RBFOX1: variants seen among roughly 807,000 people sequenced by gnomAD.
RBFOX1 encodes the protein RNA binding protein fox-1 homolog 1.
A neutral mutation model predicts 57.7 loss-of-function variants in RBFOX1; 8 were observed. The observed-to-expected ratio is 0.14, with a 90% CI of 0.08 to 0.25. The LOEUF (loss-of-function observed/expected upper bound fraction) is 0.25, where lower values mean the gene tolerates loss of function less well. Among genes scored for constraint, RBFOX1 ranks in the 10% least tolerant of loss-of-function variants. The pLI is 1.00. For synonymous variants in RBFOX1, 326 were observed against 222.4 expected (o/e 1.47, Z -4.15); for missense variants, 611 against 548.5 (o/e 1.11, Z -1.14).
intron 3 of RBFOX1, among the ~76,000 whole-genome samples, chr16:5,682,745 C>G (rs760830832): frequency 5.3e-5 from 8 of 152,180 alleles, no homozygotes; most frequent in Non-Finnish European, 1.2e-4. Context: ...TGTCTTCATC[C>G]TTGGCAGCCA....
At chr16:5,641,529 G>T (rs2048875321) in intron 3 of RBFOX1, among the ~76,000 whole-genome samples, 1 of 152,200 alleles carries the variant, frequency 6.6e-6, no homozygotes, top group Admixed American at 6.5e-5. Context: ...CTGGCACAGG[G>T]TCACTGTGCC....
chr16:5,884,014 T>A (rs887043423), intron 4 of RBFOX1, among the ~76,000 whole-genome samples: 1 of 152,194 alleles, frequency 6.6e-6, no homozygotes, highest in Admixed American at 6.5e-5. Flanking sequence ...TTTCTGGTTC[T>A]CTTGTGACTT....
At chr16:7,568,539 T>C (rs2092385122) in intron 5 of RBFOX1, among the ~76,000 whole-genome samples, 1 of 152,106 alleles carries the variant, frequency 6.6e-6, no homozygotes, top group African/African-American at 2.4e-5. Flanking sequence ...TTATCAGCAA[T>C]GTGTTTATTA....
chr16:6,122,379 C>T lies in RBFOX1; in HGVS notation c.-127+102387C>T, dbSNP rs561242464. On this transcript the variant is annotated intron_variant, in intron 1 of 15. Transcript: ENST00000550418. ...ATAAACACACACACACACACACACACACACACACACACACACATTTTTAAA... is the reference window on the plus strand; with the variant it reads ...ATAAACACACACACACACACACACATACACACACACACACACATTTTTAAA... 6.2e-5 allele frequency among the ~76,000 whole-genome samples: 9 copies of T among 145,504 alleles called. No homozygotes were observed. In the South Asian group the frequency reaches 2.0e-3, roughly 32 times the overall value.
chr16:5,349,887 C>T (rs927910278), intron 1 of RBFOX1, among the ~76,000 whole-genome samples: 2 of 152,140 alleles, frequency 1.3e-5, no homozygotes, highest in African/African-American at 4.8e-5. Context: ...GGCCAGGAAA[C>T]ACATGTGCAC....
chr16:7,594,118 C>G (rs1248091068), intron 7 of RBFOX1, among the ~76,000 whole-genome samples: 2 of 152,026 alleles, frequency 1.3e-5, no homozygotes, highest in Non-Finnish European at 2.9e-5. Flanking sequence ...AACGCTATCC[C>G]TCCCCCAGCC....
intron 3 of RBFOX1, among the ~76,000 whole-genome samples, chr16:7,003,606 C>G (rs117315143): frequency 0.022 from 3,333 of 152,192 alleles, 50 homozygotes; most frequent in African/African-American, 0.026. Flanking sequence ...TGGAGAAAAA[C>G]TAACCTCTTC....
chr16:6,522,640 A>G (rs1025533082), intron 2 of RBFOX1, among the ~76,000 whole-genome samples: 2 of 152,200 alleles, frequency 1.3e-5, no homozygotes, highest in African/African-American at 4.8e-5. Context: ...GTTGGCATTC[A>G]GTACCGGGGT....
intron 14 of RBFOX1, among the ~76,000 whole-genome samples, chr16:7,702,944 G>C (rs966592434): frequency 6.6e-6 from 1 of 152,202 alleles, no homozygotes; most frequent in Admixed American, 6.5e-5. Flanking sequence ...CTGGGTGCAG[G>C]TTACCTTCTG....
At chr16:6,322,183 C>G (rs529918161) in intron 2 of RBFOX1, among the ~76,000 whole-genome samples, 1 of 152,328 alleles carries the variant, frequency 6.6e-6, no homozygotes, top group African/African-American at 2.4e-5. Flanking sequence ...ACTTACGTAT[C>G]TGGGAATTCT....
intron 3 of RBFOX1, among the ~76,000 whole-genome samples, chr16:5,668,765 C>G (rs181777177): frequency 6.6e-6 from 1 of 152,284 alleles, no homozygotes; most frequent in East Asian, 1.9e-4. Context: ...GGTGCCTGGT[C>G]TAACATATGA....
chr16:6,871,882 A>G (rs564470036), intron 3 of RBFOX1, among the ~76,000 whole-genome samples: 6 of 147,832 alleles, frequency 4.1e-5, no homozygotes, highest in Non-Finnish European at 5.9e-5. Context: ...CTTTGTCACA[A>G]TCCAGGCTCT....
intron 3 of RBFOX1, among the ~76,000 whole-genome samples, chr16:7,045,545 T>G (rs917227610): frequency 6.6e-6 from 1 of 152,178 alleles, no homozygotes; most frequent in African/African-American, 2.4e-5. Context: ...AAGTCAGAGG[T>G]CAGTAGGCCC....
chr16:7,325,659 G>C (rs936488921), intron 4 of RBFOX1, among the ~76,000 whole-genome samples: 2 of 152,130 alleles, frequency 1.3e-5, no homozygotes, highest in Admixed American at 6.5e-5. Flanking sequence ...TTGTAATCTG[G>C]AGAGAGGTTG....
intron 4 of RBFOX1, among the ~76,000 whole-genome samples, chr16:7,410,960 T>G (rs1042126225): frequency 2.0e-5 from 3 of 152,046 alleles, no homozygotes; most frequent in African/African-American, 7.2e-5. Flanking sequence ...TTTATTTATT[T>G]TTCGAGACAG....
chr16:6,764,625 G>T (rs971464768), intron 3 of RBFOX1, among the ~76,000 whole-genome samples: 4 of 152,130 alleles, frequency 2.6e-5, no homozygotes, highest in Admixed American at 2.6e-4. Flanking sequence ...AAAACAATTA[G>T]AGATGATAAT....
At chr16:5,393,781 T>C (rs2066476360) in intron 1 of RBFOX1, among the ~76,000 whole-genome samples, 1 of 152,226 alleles carries the variant, frequency 6.6e-6, no homozygotes, top group African/African-American at 2.4e-5. Flanking sequence ...AAGTCTGTTA[T>C]TCACAGTGCT....
At chr16:7,665,080 G>C (rs1001228042) in intron 13 of RBFOX1, 112 bp downstream of exon 13, 1 of 1,598,072 alleles carries the variant, frequency 6.3e-7, no homozygotes, top group Non-Finnish European at 8.6e-7. Context: ...TCCTTGGTCT[G>C]TAGGAAATAA....
At chr16:5,836,532 C>CA (rs1555542204) in intron 3 of RBFOX1, among the ~76,000 whole-genome samples, 1 of 152,214 alleles carries the variant, frequency 6.6e-6, no homozygotes, top group Non-Finnish European at 1.5e-5. Context: ...TATTCTCTGC[C>CA]CTTCACGTCC....
Sources: gnomAD v4.1 joint callset for allele counts (sites outside exome capture counted in the v4.1 genomes callset) on GRCh38, gnomAD v4.1.1 for gene constraint, MANE v1.5 for transcripts, NCBI Gene and HGNC (gene_info 2026-07-23, HGNC 2026-07-21) for gene names.